PRICKLE2: variants seen among roughly 807,000 people sequenced by gnomAD.
The protein encoded by PRICKLE2 is prickle-like protein 2.
Under a neutral mutation model 81.4 loss-of-function variants are expected in PRICKLE2, and 21 were observed. The observed-to-expected ratio is 0.26, with a 90% CI of 0.18 to 0.37. The LOEUF (loss-of-function observed/expected upper bound fraction) is 0.37, where lower values mean the gene tolerates loss of function less well. Ranked by LOEUF, PRICKLE2 falls within the 10% of genes least tolerant of loss-of-function variation. PRICKLE2 has a pLI of 1.00. For synonymous variants in PRICKLE2, 456 were observed against 421.5 expected, an observed-to-expected ratio of 1.08 and a Z score of -1.00; for missense variants, 940 against 1,109.0, an observed-to-expected ratio of 0.85 and a Z score of 2.16.
chr3:64,168,453 T>G lies in PRICKLE2; in HGVS notation c.145-5324A>C, dbSNP rs539020530. ...TGTTGGGCCGCATTCAAAGCCATCC[T>G]GGGCTGCATGCAGCCTGTGGACCAC... On this transcript the variant is annotated intron_variant, in intron 2 of 7. Transcript: ENST00000638394. Among the ~76,000 whole-genome samples, 21 of 152,338 alleles carry G rather than the reference T, an allele frequency of 1.4e-4. 1 individual carries two copies. The highest frequency in any genetic ancestry group is 2.2e-4 in the Non-Finnish European group (15 of 68,032).
At chr3:64,173,470 AATTT>A (rs2077968726) in intron 2 of PRICKLE2, among the ~76,000 whole-genome samples, 1 of 152,244 alleles carries the variant, frequency 6.6e-6, no homozygotes, top group East Asian at 1.9e-4. Context: ...TAAAAAATAT[AATTT>A]ATTTAATTAT....
intron 2 of PRICKLE2, among the ~76,000 whole-genome samples, chr3:64,254,902 T>A (rs1324344473): frequency 6.6e-6 from 1 of 152,194 alleles, no homozygotes; most frequent in Non-Finnish European, 1.5e-5. Context: ...ACACCATATT[T>A]GCTTATCTTT....
chr3:64,236,972 G>C (rs1301442013), intron 2 of PRICKLE2, among the ~76,000 whole-genome samples: 2 of 152,196 alleles, frequency 1.3e-5, no homozygotes, highest in Non-Finnish European at 2.9e-5. Flanking sequence ...AAATGGGATA[G>C]TTCCCTTAAC....
chr3:64,220,818 A>G (rs11708249), intron 1 of PRICKLE2, among the ~76,000 whole-genome samples: 21,108 of 152,072 alleles, frequency 0.14, 1,550 homozygotes, highest in East Asian at 0.22. Context: ...GGTTCAGCCA[A>G]TTTGATCTTT....
At chr3:64,212,405 T>G (rs2078803715) in intron 1 of PRICKLE2, among the ~76,000 whole-genome samples, 1 of 152,218 alleles carries the variant, frequency 6.6e-6, no homozygotes, top group Non-Finnish European at 1.5e-5. Context: ...GGGACCAATT[T>G]CTGAGGAAAT....
At chr3:64,152,838 C>T (rs555754018) in intron 6 of PRICKLE2, among the ~76,000 whole-genome samples, 1 of 152,294 alleles carries the variant, frequency 6.6e-6, no homozygotes, top group Non-Finnish European at 1.5e-5. Flanking sequence ...GGAAGAGACA[C>T]AGTTCCTCTC....
chr3:64,211,214 G>A (rs2078780662), intron 1 of PRICKLE2, among the ~76,000 whole-genome samples: 1 of 152,204 alleles, frequency 6.6e-6, no homozygotes, highest in African/African-American at 2.4e-5. Flanking sequence ...CAGGAACCAT[G>A]AGTCCAAAAG....
At chr3:64,222,844 T>C (rs1349402331) in intron 1 of PRICKLE2, among the ~76,000 whole-genome samples, 1 of 152,220 alleles carries the variant, frequency 6.6e-6, no homozygotes, top group East Asian at 1.9e-4. Flanking sequence ...TAGAAATGCA[T>C]TGATTCCAAC....
chr3:64,245,359 C>CA (rs531022564), intron 2 of PRICKLE2, among the ~76,000 whole-genome samples: 231 of 152,222 alleles, frequency 1.5e-3, no homozygotes, highest in Admixed American at 2.4e-3. Flanking sequence ...GATTAGAAGT[C>CA]TTTTTTTGTA....
chr3:64,139,257 C>T (rs1055216648), intron 7 of PRICKLE2, among the ~76,000 whole-genome samples: 26 of 152,224 alleles, frequency 1.7e-4, no homozygotes, highest in Non-Finnish European at 2.9e-5. Flanking sequence ...GATTCCTGCT[C>T]CGTGTCTCCA....
intron 2 of PRICKLE2, among the ~76,000 whole-genome samples, chr3:64,178,985 T>TTCTTTC (rs1553648459): frequency 2.7e-4 from 38 of 142,514 alleles, no homozygotes; most frequent in African/African-American, 8.3e-4. Context: ...CTTTCTTTCT[T>TTCTTTC]TCTTTCTTTC....
intron 7 of PRICKLE2, among the ~76,000 whole-genome samples, chr3:64,109,982 C>A (rs36239): frequency 0.72 from 109,086 of 152,054 alleles, 39,327 homozygotes; most frequent in South Asian, 0.81. Flanking sequence ...AAATCAGTGA[C>A]CCCAATAAAG....
chr3:64,153,341 C>T lies in PRICKLE2; in HGVS notation c.628G>A (p.Ala210Thr). ...TTCATGTGCCAGTGTCGCCCCTCAG[C>T]TTCTGTGCATTCATCTGCAAAGATG... is the stretch of plus-strand genomic sequence containing the variant. ...EIIFADECTE[A>T]EGRHWHMKHF... Residue 210 changes from alanine to threonine, a missense_variant, in exon 6 of 8, where the codon GCT becomes ACT. Transcript: ENST00000638394. 2 of 1,614,128 alleles carry T rather than the reference C, an allele frequency of 1.2e-6. No individual in the cohort carries two copies. Among genetic ancestry groups the T allele is most frequent in the Non-Finnish European group, 1.7e-6 (2 of 1,180,022 alleles).
chr3:64,103,150 T>G (rs1559508895), intron 7 of PRICKLE2: 1 of 152,246 alleles, frequency 6.6e-6, no homozygotes, highest in Non-Finnish European at 1.5e-5. Context: ...TCTGATATGA[T>G]GGTTTTTAAT....
chr3:64,182,353 T>C (rs2078150402), intron 2 of PRICKLE2, among the ~76,000 whole-genome samples: 1 of 151,682 alleles, frequency 6.6e-6, no homozygotes, highest in Non-Finnish European at 1.5e-5. Context: ...TGGGAGTGGT[T>C]GTGCGCATCT....
chr3:64,130,824 T>G (rs541964906), intron 7 of PRICKLE2, among the ~76,000 whole-genome samples: 1 of 152,314 alleles, frequency 6.6e-6, no homozygotes, highest in African/African-American at 2.4e-5. Context: ...GGTATCAGTA[T>G]TTCTTTAAAG....
At chr3:64,236,996 T>C (rs2079191971) in intron 2 of PRICKLE2, among the ~76,000 whole-genome samples, 1 of 152,168 alleles carries the variant, frequency 6.6e-6, no homozygotes, top group Admixed American at 6.5e-5. Flanking sequence ...TTTGTGGGAC[T>C]CATGAAGGGG....
chr3:64,098,709 C>A lies in PRICKLE2; in HGVS notation c.*342G>T. ...CAAATTACTTACTGAAAAAAGGGTCCTAAAAGTAAGAGAACCAGAGAGGAT... is the reference window on the plus strand; with the variant it reads ...CAAATTACTTACTGAAAAAAGGGTCATAAAAGTAAGAGAACCAGAGAGGAT... On this transcript the variant is annotated 3_prime_UTR_variant, in exon 8 of 8. Coordinates refer to ENST00000638394, the MANE Select transcript of PRICKLE2 (RefSeq NM_198859.4). 1 of 279,984 alleles carries A rather than the reference C, an allele frequency of 3.6e-6. No individual in the cohort carries two copies. Among genetic ancestry groups the A allele is most frequent in the African/African-American group, 2.2e-5 (1 of 46,114 alleles). 17.3% of individuals were successfully genotyped at this position (279,984 alleles called of 1,614,324 possible).
At chr3:64,228,078 T>C (rs1457716074), upstream of PRICKLE2, among the ~76,000 whole-genome samples, 3 of 152,188 alleles carry the variant, frequency 2.0e-5, no homozygotes, top group African/African-American at 4.8e-5. Context: ...TCTGAAACTA[T>C]ACACCAGGAC....
Sources: gnomAD v4.1 joint callset for allele counts (sites outside exome capture counted in the v4.1 genomes callset) on GRCh38, gnomAD v4.1.1 for gene constraint, MANE v1.5 for transcripts, NCBI Gene and HGNC (gene_info 2026-07-23, HGNC 2026-07-21) for gene names.